GALNT17: variants seen among roughly 807,000 people sequenced by gnomAD.
GALNT17 encodes UDP-GalNAc:polypeptide N-acetylgalactosaminyltransferase-like 3.
GALNT17 carries 29 observed loss-of-function variants against 63.7 expected under a neutral mutation model. That is an observed-to-expected ratio of 0.46 (90% CI 0.34 to 0.62). The LOEUF (loss-of-function observed/expected upper bound fraction) is 0.62, where lower values mean the gene tolerates loss of function less well. Among genes scored for constraint, GALNT17 ranks in the 20% least tolerant of loss-of-function variants. GALNT17 has a pLI of 0.01. For missense variants in GALNT17, 603 were observed against 799.6 expected, an observed-to-expected ratio of 0.75 and a Z score of 2.97; for synonymous variants, 305 against 318.3, an observed-to-expected ratio of 0.96 and a Z score of 0.45.
At chr7:71,643,606 T>G (rs923562395) in intron 6 of GALNT17, among the ~76,000 whole-genome samples, 2 of 152,242 alleles carry the variant, frequency 1.3e-5, no homozygotes, top group Admixed American at 6.5e-5. Flanking sequence ...AAGGTGGCTT[T>G]CTTTCTGATC....
rs545596548 is a variant in GALNT17 at position 71,696,997 on chromosome 7, G to A, written c.1501-13764G>A. Among the ~76,000 whole-genome samples, 15 of 152,256 alleles carry A rather than the reference G, an allele frequency of 9.9e-5. No individual in the cohort carries two copies. The East Asian group carries it at 2.9e-3, about 29-fold the overall frequency. On this transcript the variant is annotated intron_variant, in intron 9 of 10. Coordinates refer to ENST00000333538, the MANE Select transcript of GALNT17 (RefSeq NM_022479.3). The stretch of plus-strand genomic sequence containing the variant: ...CATATCTGGGTGGGGGCTATATGGA[G>A]CCAGTGGAGACAGGGTGGGGCTAGG...
chr7:71,486,796 G>A (rs1307272688), intron 5 of GALNT17, among the ~76,000 whole-genome samples: 4 of 151,452 alleles, frequency 2.6e-5, no homozygotes, highest in East Asian at 1.9e-4. Context: ...CCAGGAGGTC[G>A]AGGCTGCAGT....
intron 1 of GALNT17, among the ~76,000 whole-genome samples, chr7:71,150,379 G>A (rs965595430): frequency 1.3e-5 from 2 of 152,052 alleles, no homozygotes; most frequent in Non-Finnish European, 2.9e-5. Flanking sequence ...CTCCCCTGCA[G>A]TTAGATAGGG....
At chr7:71,320,133 A>G (rs909497495) in intron 1 of GALNT17, among the ~76,000 whole-genome samples, 4 of 152,186 alleles carry the variant, frequency 2.6e-5, no homozygotes, top group Admixed American at 2.6e-4. Flanking sequence ...TTGAGCAGAT[A>G]CATACTCTCT....
chr7:71,212,272 C>T (rs371042293), intron 1 of GALNT17, among the ~76,000 whole-genome samples: 1 of 152,228 alleles, frequency 6.6e-6, no homozygotes, highest in African/African-American at 2.4e-5. Context: ...AAGCCCCAAG[C>T]CTTGGCAGCT....
intron 6 of GALNT17, among the ~76,000 whole-genome samples, chr7:71,576,317 T>C (rs566506289): frequency 6.6e-6 from 1 of 152,316 alleles, no homozygotes; most frequent in African/African-American, 2.4e-5. Flanking sequence ...TGTGGATGCA[T>C]TGAATTGTGA....
intron 6 of GALNT17, among the ~76,000 whole-genome samples, chr7:71,613,938 T>G (rs1309195313): frequency 6.6e-6 from 1 of 151,720 alleles, no homozygotes; most frequent in African/African-American, 2.4e-5. Context: ...GGTGACAGAG[T>G]GAGACCCTGT....
chr7:71,606,577 T>C (rs1247605367), intron 6 of GALNT17, among the ~76,000 whole-genome samples: 1 of 152,178 alleles, frequency 6.6e-6, no homozygotes, highest in Non-Finnish European at 1.5e-5. Flanking sequence ...TGGTACCCAG[T>C]AGTCTGATTA....
intron 1 of GALNT17, among the ~76,000 whole-genome samples, chr7:71,295,917 G>GTT (rs895482164): frequency 2.8e-5 from 4 of 142,894 alleles, no homozygotes; most frequent in African/African-American, 5.1e-5. Context: ...TCTTTCTTGG[G>GTT]TTTTTTTTTT....
At chr7:71,578,937 G>A (rs1296689894) in intron 6 of GALNT17, among the ~76,000 whole-genome samples, 1 of 152,162 alleles carries the variant, frequency 6.6e-6, no homozygotes, top group African/African-American at 2.4e-5. Flanking sequence ...TCTGTGGCCT[G>A]TGTTGTCCAT....
At chr7:71,434,602 G>A (rs1416606619) in intron 5 of GALNT17, among the ~76,000 whole-genome samples, 1 of 152,170 alleles carries the variant, frequency 6.6e-6, no homozygotes, top group African/African-American at 2.4e-5. Context: ...CAATAACAGA[G>A]AAATGGCCTG....
chr7:71,414,247 G>A (rs967575129), intron 3 of GALNT17, among the ~76,000 whole-genome samples: 8 of 151,922 alleles, frequency 5.3e-5, no homozygotes, highest in Non-Finnish European at 8.8e-5. Flanking sequence ...GTCTCAAAAC[G>A]TAAAAATAAA....
chr7:71,668,210 C>G (rs926183469), intron 7 of GALNT17, among the ~76,000 whole-genome samples: 3 of 152,022 alleles, frequency 2.0e-5, no homozygotes, highest in African/African-American at 7.2e-5. Context: ...GTCCCAAATG[C>G]CAGTGGTAAC....
At chr7:71,567,943 A>C (rs981670909) in intron 5 of GALNT17, among the ~76,000 whole-genome samples, 2 of 152,302 alleles carry the variant, frequency 1.3e-5, no homozygotes, top group African/African-American at 4.8e-5. Context: ...ATGGAATCAG[A>C]AACCTGGATG....
intron 5 of GALNT17, among the ~76,000 whole-genome samples, chr7:71,451,305 G>T: frequency 6.6e-6 from 1 of 152,144 alleles, no homozygotes; most frequent in South Asian, 2.1e-4. Context: ...AGTCATTCTC[G>T]ACAGCCTTTC....
intron 5 of GALNT17, among the ~76,000 whole-genome samples, chr7:71,529,121 C>T (rs1160057176): frequency 6.6e-6 from 1 of 151,944 alleles, no homozygotes; most frequent in Non-Finnish European, 1.5e-5. Context: ...GGTGACAGAC[C>T]AAGACTCTGT....
intron 5 of GALNT17, among the ~76,000 whole-genome samples, chr7:71,469,169 A>G (rs985521288): frequency 6.6e-6 from 1 of 152,116 alleles, no homozygotes; most frequent in Admixed American, 6.5e-5. Context: ...TGAAGGTTCT[A>G]AGGTGGAAGG....
chr7:71,200,513 C>G (rs1450851862), intron 1 of GALNT17, among the ~76,000 whole-genome samples: 1 of 152,306 alleles, frequency 6.6e-6, no homozygotes, highest in African/African-American at 2.4e-5. Flanking sequence ...TAAAATCACT[C>G]TCTGTGTCCC....
At chr7:71,174,137 G>A (rs1329306356) in intron 1 of GALNT17, among the ~76,000 whole-genome samples, 2 of 152,160 alleles carry the variant, frequency 1.3e-5, no homozygotes, top group African/African-American at 2.4e-5. Context: ...GAGAGGGTTT[G>A]GGATACGTAA....
Sources: gnomAD v4.1 joint callset for allele counts (sites outside exome capture counted in the v4.1 genomes callset) on GRCh38, gnomAD v4.1.1 for gene constraint, MANE v1.5 for transcripts, NCBI Gene and HGNC (gene_info 2026-07-23, HGNC 2026-07-21) for gene names.